ESRRB: variants seen among roughly 807,000 people sequenced by gnomAD.
ESRRB encodes estrogen related receptor beta, also known as steroid hormone receptor ERR2.
ESRRB carries 16 observed loss-of-function variants against 46.0 expected under a neutral mutation model. The observed-to-expected ratio is 0.35, with a 90% CI of 0.24 to 0.53. The LOEUF (loss-of-function observed/expected upper bound fraction) is 0.53. Ranked by LOEUF, ESRRB falls within the 20% of genes least tolerant of loss-of-function variation. The pLI is 0.93. For missense variants in ESRRB, 488 were observed against 607.4 expected (o/e 0.80, Z 2.07); for synonymous variants, 246 against 259.6 (o/e 0.95, Z 0.50).
At chr14:76,447,252 TCC>T (rs2139952610) in intron 2 of ESRRB, among the ~76,000 whole-genome samples, 1 of 45,980 alleles carries the variant, frequency 2.2e-5, no homozygotes, top group South Asian at 5.8e-4. Flanking sequence ...TCTCCTTCCT[TCC>T]TTCCTTCCTT....
intron 1 of ESRRB, among the ~76,000 whole-genome samples, chr14:76,327,912 C>T (rs1366501640): frequency 2.6e-5 from 4 of 152,032 alleles, no homozygotes; most frequent in Admixed American, 6.5e-5. Context: ...CGAGGTTTCA[C>T]CATGTTGGCC....
At chr14:76,347,983 G>A (rs976354092) in intron 1 of ESRRB, among the ~76,000 whole-genome samples, 1 of 152,166 alleles carries the variant, frequency 6.6e-6, no homozygotes, top group African/African-American at 2.4e-5. Context: ...GATGTCATAA[G>A]AATGACATCT....
At chr14:76,372,747 G>T (rs1361455429), upstream of ESRRB, among the ~76,000 whole-genome samples, 1 of 152,164 alleles carries the variant, frequency 6.6e-6, no homozygotes, top group African/African-American at 2.4e-5. Flanking sequence ...TGAGAGGATG[G>T]CTTGAGCCCA....
chr14:76,328,742 C>A (rs1883967720), intron 1 of ESRRB, among the ~76,000 whole-genome samples: 1 of 152,144 alleles, frequency 6.6e-6, no homozygotes, highest in African/African-American at 2.4e-5. Context: ...GAAGCCTCCT[C>A]ATGCCTCCTC....
intron 3 of ESRRB, among the ~76,000 whole-genome samples, chr14:76,477,555 G>A (rs1165844516): frequency 1.3e-5 from 2 of 152,146 alleles, no homozygotes; most frequent in Non-Finnish European, 2.9e-5. Context: ...CTTGTCCAAG[G>A]CCAAATAACC....
intron 3 of ESRRB, among the ~76,000 whole-genome samples, chr14:76,465,462 A>C (rs1297439000): frequency 6.6e-6 from 1 of 152,186 alleles, no homozygotes; most frequent in Non-Finnish European, 1.5e-5. Context: ...GGTGAGGCCC[A>C]CAATTGACCG....
intron 2 of ESRRB, among the ~76,000 whole-genome samples, chr14:76,456,570 G>A (rs2139975991): frequency 6.6e-6 from 1 of 152,256 alleles, no homozygotes; most frequent in South Asian, 2.1e-4. Flanking sequence ...AAAAATCCAG[G>A]AGGCCCCTTC....
At chr14:76,470,449 G>A (rs1889334393) in intron 3 of ESRRB, among the ~76,000 whole-genome samples, 1 of 152,166 alleles carries the variant, frequency 6.6e-6, no homozygotes, top group Admixed American at 6.5e-5. Flanking sequence ...GTGGACCCCA[G>A]TTCTTCCCAT....
intron 1 of ESRRB, among the ~76,000 whole-genome samples, chr14:76,354,224 GC>G (rs1371208828): frequency 0.03 from 1,024 of 34,506 alleles, 31 homozygotes; most frequent in Non-Finnish European, 0.036. Flanking sequence ...TCCTCTACCC[GC>G]CCCCCCCCCC....
intron 3 of ESRRB, among the ~76,000 whole-genome samples, chr14:76,464,681 G>A (rs1346216568): frequency 6.6e-6 from 1 of 152,160 alleles, no homozygotes; most frequent in African/African-American, 2.4e-5. Context: ...CATCGAGCCC[G>A]CAGAAAGGCT....
intron 2 of ESRRB, among the ~76,000 whole-genome samples, chr14:76,454,547 G>C (rs987899074): frequency 1.3e-5 from 2 of 152,150 alleles, no homozygotes; most frequent in Admixed American, 1.3e-4. Flanking sequence ...GAGCTGGCCA[G>C]GAGGACCAAA....
At chr14:76,483,792 G>T (rs1016623306) in intron 5 of ESRRB, among the ~76,000 whole-genome samples, 1 of 152,214 alleles carries the variant, frequency 6.6e-6, no homozygotes, top group Non-Finnish European at 1.5e-5. Context: ...GCTCTGAAAG[G>T]TGATTACAGC....
At chr14:76,458,481 CAT>C (rs1415714925) in intron 2 of ESRRB, among the ~76,000 whole-genome samples, 5 of 82,142 alleles carry the variant, frequency 6.1e-5, no homozygotes, top group African/African-American at 2.6e-4. Flanking sequence ...AACACACACA[CAT>C]GCATGCAGGC....
chr14:76,414,848 G>T (rs966305465), intron 1 of ESRRB, among the ~76,000 whole-genome samples: 12 of 152,072 alleles, frequency 7.9e-5, no homozygotes, highest in African/African-American at 2.7e-4. Context: ...GGCTGTGTGG[G>T]CTGGGAGCCT....
chr14:76,385,668 C>T (rs549653281), intron 1 of ESRRB, among the ~76,000 whole-genome samples: 5 of 152,304 alleles, frequency 3.3e-5, no homozygotes, highest in South Asian at 2.1e-4. Context: ...CCCACCATCC[C>T]GTACTCCAAG....
chr14:76,380,540 A>G (rs1047845427), intron 1 of ESRRB, among the ~76,000 whole-genome samples: 1 of 152,188 alleles, frequency 6.6e-6, no homozygotes, highest in Admixed American at 6.5e-5. Flanking sequence ...TAAAGCCCAC[A>G]CCACACCTTG....
Position 76,491,731 on chromosome 14 carries a change from G to A in ESRRB, c.1120+15G>A, listed in dbSNP as rs754237725. 79 of 1,563,782 alleles carry A rather than the reference G, an allele frequency of 5.1e-5. No individual in the cohort carries two copies. Among genetic ancestry groups the A allele is most frequent in the Admixed American group, 1.7e-4 (9 of 51,518 alleles). On this transcript the variant is annotated intron_variant, in intron 6 of 6. Transcript: ENST00000644823. ...CGCCAACTCCGGTAAGGGCGGCGGC[G>A]GGGCCTGGAAGGGGAGCTTCTAGGG...
chr14:76,315,257 T>G (rs1883785430), intron 1 of ESRRB, among the ~76,000 whole-genome samples: 1 of 128,036 alleles, frequency 7.8e-6, no homozygotes, highest in Non-Finnish European at 1.7e-5. Context: ...CCTCCATGAC[T>G]GCATTCACCC....
At chr14:76,398,801 G>T (rs755059302) in intron 1 of ESRRB, among the ~76,000 whole-genome samples, 1 of 152,178 alleles carries the variant, frequency 6.6e-6, no homozygotes, top group African/African-American at 2.4e-5. Flanking sequence ...CTGAGGCTGT[G>T]TGCCTTGCTC....
Sources: gnomAD v4.1 joint callset for allele counts (sites outside exome capture counted in the v4.1 genomes callset) on GRCh38, gnomAD v4.1.1 for gene constraint, MANE v1.5 for transcripts, NCBI Gene and HGNC (gene_info 2026-07-23, HGNC 2026-07-21) for gene names.